Variants in CELF2 observed in about 807,000 individuals in gnomAD.
CELF2 encodes CUG triplet repeat RNA-binding protein 2.
In CELF2, 8 loss-of-function variants were observed where a neutral mutation model predicts 62.6. The observed-to-expected ratio is 0.13, with a 90% CI of 0.07 to 0.23. The LOEUF (loss-of-function observed/expected upper bound fraction) is 0.23, where lower values mean the gene tolerates loss of function less well. CELF2 is among the 10% of genes least tolerant of loss of function. CELF2 has a pLI of 1.00. For synonymous variants in CELF2, 258 were observed against 250.0 expected (o/e 1.03, Z -0.30); for missense variants, 333 against 671.0 (o/e 0.50, Z 5.56).
chr10:10,577,639 T>G, the CELF2 span, among the ~76,000 whole-genome samples: 1 of 151,974 alleles, frequency 6.6e-6, no homozygotes, highest in Non-Finnish European at 1.5e-5. Flanking sequence ...GATAGTTTGC[T>G]GAGAATGATG....
At position 11,321,280 on chromosome 10, in the gene CELF2, C is replaced by T. The variant is rs1216977983; in HGVS notation, c.1188C>T (p.Leu396=). 3 of 1,613,888 alleles carry T rather than the reference C, an allele frequency of 1.9e-6. No homozygotes were observed. Among genetic ancestry groups the T allele is most frequent in the South Asian group, 2.2e-5 (2 of 91,088 alleles). ...GCACGGCTGGCACCATGGACGCCCT[C>T]ACCCAGGCCTACTCAGGAATTCAAC... The part of the protein sequence containing the change: ...TNGTAGTMDA[L]TQAYSGIQQY... The change falls in exon 11 of 13, where the codon CTC becomes CTT. Residue 396 remains leucine, a synonymous_variant. Coordinates refer to ENST00000633077, the MANE Select transcript of CELF2 (RefSeq NM_001326342.2). The surrounding 1 kb of genome is among the most constrained non-coding windows in gnomAD (Gnocchi z 6.2).
chr10:10,923,960 G>A (rs575435559), intron 2 of CELF2: 3 of 152,252 alleles, frequency 2.0e-5, no homozygotes, highest in South Asian at 4.1e-4. Flanking sequence ...TCAAGATCTG[G>A]TTTTTAGGAT....
At chr10:10,688,893 A>G in the CELF2 span, among the ~76,000 whole-genome samples, 2 of 151,954 alleles carry the variant, frequency 1.3e-5, 1 homozygote, top group South Asian at 4.2e-4. Flanking sequence ...AGTCCCAGCT[A>G]CTCGGGAGGC....
At chr10:10,715,404 ATATCCTTCTACT>A in the CELF2 span, among the ~76,000 whole-genome samples, 1 of 152,320 alleles carries the variant, frequency 6.6e-6, no homozygotes, top group Non-Finnish European at 1.5e-5. Flanking sequence ...AGCATTCAGT[ATATCCTTCTACT>A]TTCAAGTTGC....
At chr10:10,535,507 C>T in the CELF2 span, among the ~76,000 whole-genome samples, 1 of 152,116 alleles carries the variant, frequency 6.6e-6, no homozygotes, top group Non-Finnish European at 1.5e-5. Flanking sequence ...ATCATGAGGT[C>T]AGGAGTTCAA....
chr10:11,205,280 A>C (rs1324977543), intron 2 of CELF2, among the ~76,000 whole-genome samples: 4 of 152,220 alleles, frequency 2.6e-5, no homozygotes, highest in African/African-American at 9.6e-5. Flanking sequence ...AGCCTGCGGC[A>C]GGCCTGTCGC....
the CELF2 span, among the ~76,000 whole-genome samples, chr10:10,636,601 C>T: frequency 6.6e-6 from 1 of 152,198 alleles, no homozygotes; most frequent in Admixed American, 6.5e-5. Flanking sequence ...ACCATCTCCA[C>T]ACACAAACAT....
At chr10:10,506,670 A>ATTTTTTTTTTTT in the CELF2 span, among the ~76,000 whole-genome samples, 191 of 64,572 alleles carry the variant, frequency 3.0e-3, 52 homozygotes, top group East Asian at 7.1e-3. Context: ...CCTCCTGTGA[A>ATTTTTTTTTTTT]TTTTTTTTTT....
chr10:10,840,050 A>G (rs1171586175), intron 1 of CELF2, among the ~76,000 whole-genome samples: 2 of 152,144 alleles, frequency 1.3e-5, no homozygotes, highest in African/African-American at 4.8e-5. Flanking sequence ...ATTCCTTTCT[A>G]TCACTGAATA....
chr10:10,540,189 A>G, the CELF2 span, among the ~76,000 whole-genome samples: 7 of 152,340 alleles, frequency 4.6e-5, no homozygotes. Context: ...TAACAGTGTC[A>G]CAGTCCCAGT....
At chr10:10,971,361 C>T (rs1024227226) in intron 2 of CELF2, among the ~76,000 whole-genome samples, 2 of 152,180 alleles carry the variant, frequency 1.3e-5, no homozygotes, top group Non-Finnish European at 2.9e-5. Context: ...TCCACCTCAA[C>T]CCCCCTCACC....
chr10:10,653,331 AC>A, the CELF2 span, among the ~76,000 whole-genome samples: 5 of 149,752 alleles, frequency 3.3e-5, no homozygotes, highest in Non-Finnish European at 7.4e-5. Flanking sequence ...CAACAAGGAT[AC>A]CCAGGAATTG....
Position 11,268,233 on chromosome 10 carries a change from A to T in CELF2, c.618+1556A>T, listed in dbSNP as rs1182271176. 6.6e-6 allele frequency among the ~76,000 whole-genome samples: 1 copy of T among 152,210 alleles called. No individual in the cohort carries two copies. The highest frequency in any genetic ancestry group is 1.5e-5 in the Non-Finnish European group (1 of 68,030). On this transcript the variant is annotated intron_variant, in intron 6 of 12. Coordinates refer to ENST00000633077, the MANE Select transcript of CELF2 (RefSeq NM_001326342.2). This position sits in a 1 kb window ranked among gnomAD's most constrained non-coding sequence, Gnocchi z 4.7. ...AAACTGCTGTTAGGGGCAAAAAAAT[A>T]AAAAAGAAAACTCTTTACTTGTATT...
At chr10:10,991,857 C>T (rs1031508183) in intron 2 of CELF2, among the ~76,000 whole-genome samples, 1 of 152,162 alleles carries the variant, frequency 6.6e-6, no homozygotes, top group African/African-American at 2.4e-5. Context: ...AGACTTACTC[C>T]CTATTTCCAT....
chr10:11,286,772 C>A (rs112766488), intron 8 of CELF2, among the ~76,000 whole-genome samples: 1 of 152,178 alleles, frequency 6.6e-6, no homozygotes, highest in Non-Finnish European at 1.5e-5. Flanking sequence ...CCTTTTCTTG[C>A]AGAAATTCAC....
At chr10:10,844,734 A>T (rs1355293800) in intron 1 of CELF2, among the ~76,000 whole-genome samples, 1 of 152,088 alleles carries the variant, frequency 6.6e-6, no homozygotes, top group Non-Finnish European at 1.5e-5. Flanking sequence ...GTGTCTAAGG[A>T]CCGTAAGAAA....
the CELF2 span, among the ~76,000 whole-genome samples, chr10:10,524,990 G>A: frequency 6.6e-6 from 1 of 152,154 alleles, no homozygotes; most frequent in African/African-American, 2.4e-5. Context: ...ATACAGGTGT[G>A]TACATATAGG....
chr10:10,768,476 G>A, the CELF2 span, among the ~76,000 whole-genome samples: 6 of 152,130 alleles, frequency 3.9e-5, no homozygotes, highest in East Asian at 9.7e-4. Context: ...AAAGAGCTAA[G>A]GTCAAGAAGA....
chr10:11,284,669 T>C (rs2090544277), intron 8 of CELF2, among the ~76,000 whole-genome samples: 1 of 144,742 alleles, frequency 6.9e-6, no homozygotes, highest in African/African-American at 2.6e-5. Context: ...TGATGAAGGA[T>C]GTGTGAGTGT....
Sources: allele counts gnomAD v4.1 joint callset (sites outside exome capture counted in the v4.1 genomes callset), GRCh38; gene constraint gnomAD v4.1.1; non-coding constraint Gnocchi (gnomAD v3.1); transcripts MANE v1.5; gene names NCBI Gene and HGNC (gene_info 2026-07-23, HGNC 2026-07-21).